The following ATPSCKMT variants were observed in gnomAD, a reference collection of about 807,000 sequenced individuals.
The protein encoded by ATPSCKMT is ATP synthase c subunit lysine N-methyltransferase, also known as ATP synthase subunit C lysine N-methyltransferase.
A neutral mutation model predicts 24.3 loss-of-function variants in ATPSCKMT; 24 were observed. The observed-to-expected ratio is 0.99, with a 90% CI of 0.71 to 1.39. The LOEUF is 1.39. Ranked by LOEUF, ATPSCKMT falls within the 40% of genes most tolerant of loss-of-function variation. ATPSCKMT has a pLI of 0.00. For missense variants in ATPSCKMT, 311 were observed against 298.4 expected (o/e 1.04, Z -0.31); for synonymous variants, 95 against 110.5 (o/e 0.86, Z 0.88).
At chr5:10,246,409 C>G (rs1744930530) in intron 1 of ATPSCKMT, among the ~76,000 whole-genome samples, 1 of 150,752 alleles carries the variant, frequency 6.6e-6, no homozygotes, top group African/African-American at 2.4e-5. Context: ...CACCACTGCA[C>G]TCCAGCCTGG....
intron 3 of ATPSCKMT, 59 bp from the exon 4 acceptor site, chr5:10,235,320 A>G: frequency 6.8e-7 from 1 of 1,471,226 alleles, no homozygotes; most frequent in Non-Finnish European, 9.4e-7. Context: ...CGTGAAGCTT[A>G]ACTTGTTTTA....
intron 4 of ATPSCKMT, among the ~76,000 whole-genome samples, chr5:10,233,006 T>C (rs1187263541): frequency 2.6e-5 from 4 of 152,118 alleles, no homozygotes; most frequent in African/African-American, 9.7e-5. Flanking sequence ...GATACATACT[T>C]GTGTGGAAAT....
In ATPSCKMT at chr5:10,227,472, G is replaced by A. The variant is rs370685274; in HGVS notation, c.671C>T (p.Ser224Leu). The A allele has an allele frequency of 2.9e-5, 47 of 1,614,004 alleles. No individual in the cohort carries two copies. The African/African-American group carries it at 3.3e-4, about 11-fold the overall frequency. Residue 224 changes from serine to leucine, a missense_variant, in exon 5 of 5, where the codon TCG (serine) becomes TTG (leucine). Ser to Leu is a moderately radical substitution (Grantham distance 145, BLOSUM62 -2). Coordinates refer to ENST00000511437, the MANE Select transcript of ATPSCKMT (RefSeq NM_199133.4). Reference sequence around the variant, plus strand: ...TTGAATGGGCAGCTGGAAATGCATCGATGTACAGGGCCTCTTTTCACGGCC... The same window carrying A: ...TTGAATGGGCAGCTGGAAATGCATCAATGTACAGGGCCTCTTTTCACGGCC... ...FRGREKRPCT[S>L]MHFQLPIQA
rs780328976 is a variant in ATPSCKMT, at chr5:10,227,528, T to C, written c.615A>G (p.Thr205=). ...AAGTGCTTGCATCATATGCCCACAC[T>C]GTGTCTATCCCCTCCCCCGTGACGT... ...PDHVTGEGID[T]VWAYDASTFR... is the part of the protein sequence containing the mutation. The change falls in exon 5 of 5, where the codon ACA becomes ACG. Residue 205 remains threonine (T), a synonymous_variant. Transcript: ENST00000511437. 20 of 1,614,102 alleles carry C rather than the reference T, an allele frequency of 1.2e-5. No homozygotes were observed. The highest frequency in any genetic ancestry group is 1.6e-5 in the Non-Finnish European group (19 of 1,180,040).
intron 1 of ATPSCKMT, among the ~76,000 whole-genome samples, chr5:10,246,763 G>T (rs1207911596): frequency 6.6e-6 from 1 of 152,214 alleles, no homozygotes. Context: ...GTAATAAAAA[G>T]TTCCTGTTCT....
rs182441225 is a variant in ATPSCKMT at position 10,238,943 on chromosome 5, A to C, written c.306+124T>G. 2.8e-4 allele frequency: 336 copies of C among 1,216,122 alleles called. 1 individual carries two copies. The African/African-American group carries it at 4.5e-3, about 16-fold the overall frequency. 75.3% of individuals were successfully genotyped at this position (1,216,122 alleles called of 1,614,324 possible). The stretch of plus-strand genomic sequence containing the variant: ...TTGAATAGTTTGGTCAAACAAACAT[A>C]AAATGAAATGAGCACTCTTTCAAGC... On this transcript the variant is annotated intron_variant, in intron 2 of 4. Transcript: ENST00000511437.
At chr5:10,233,629 G>A (rs772135101) in intron 4 of ATPSCKMT, among the ~76,000 whole-genome samples, 2 of 150,416 alleles carry the variant, frequency 1.3e-5, no homozygotes, top group Non-Finnish European at 1.5e-5. Context: ...AGAAGCACCC[G>A]GAGTCGGCTC....
Position 10,227,755 on chromosome 5 carries a change from C to T in ATPSCKMT, c.496-108G>A, listed in dbSNP as rs1743949405. On this transcript the variant is annotated intron_variant, in intron 4 of 4. Coordinates refer to ENST00000511437, the MANE Select transcript of ATPSCKMT (RefSeq NM_199133.4). ...GAAAATACCTGAGCAAAAATTACTA[C>T]TTGTTAAAAAGAGCACTCTGGGACA... 1.2e-5 allele frequency: 12 copies of T among 1,013,590 alleles called. No homozygotes were observed. In the Admixed American group the frequency reaches 1.5e-4, roughly 12 times the overall value. The allele number at this position is 1,013,590 out of a possible 1,614,324, so 62.8% of individuals were successfully genotyped here.
At chr5:10,237,480 G>A (rs1744425919) in intron 2 of ATPSCKMT, among the ~76,000 whole-genome samples, 1 of 152,154 alleles carries the variant, frequency 6.6e-6, no homozygotes, top group African/African-American at 2.4e-5. Context: ...CTGAATAATG[G>A]GGGCAGGTCT....
intron 1 of ATPSCKMT, among the ~76,000 whole-genome samples, chr5:10,240,763 C>A (rs988722962): frequency 1.3e-5 from 2 of 152,008 alleles, no homozygotes; most frequent in African/African-American, 2.4e-5. Context: ...TGGGAGGCCA[C>A]GGCGGGCAGA....
intron 1 of ATPSCKMT, 22 bp downstream of exon 1, chr5:10,249,836 C>G (rs1238997451): frequency 1.3e-6 from 2 of 1,566,448 alleles, no homozygotes; most frequent in Admixed American, 3.8e-5. Flanking sequence ...CCCAGGAACC[C>G]GCCAAGCCGC....
At chr5:10,228,577 AT>A (rs1185422585) in intron 4 of ATPSCKMT, among the ~76,000 whole-genome samples, 6 of 152,248 alleles carry the variant, frequency 3.9e-5, no homozygotes, top group African/African-American at 1.2e-4. Flanking sequence ...CCTAAAAATA[AT>A]TTTTTTCTAC....
At position 10,228,567 on chromosome 5, in the gene ATPSCKMT, C is replaced by T. The variant is rs976153779; in HGVS notation, c.496-920G>A. On this transcript the variant is annotated intron_variant, in intron 4 of 4. Transcript: ENST00000511437. The stretch of plus-strand genomic sequence containing the variant: ...ATTACCACCTTCACCACCTTCACAT[C>T]CTAAAAATAATTTTTTTCTACTTTC... 3.9e-5 allele frequency among the ~76,000 whole-genome samples: 6 copies of T among 152,178 alleles called. No homozygotes were observed. The South Asian group carries it at 1.0e-3, about 26-fold the overall frequency.
chr5:10,249,529 G>A (rs1745188522), intron 1 of ATPSCKMT: 2 of 353,444 alleles, frequency 5.7e-6, no homozygotes, highest in Non-Finnish European at 1.0e-5. Context: ...GCCACAGCTA[G>A]GAAGAGCGGC....
chr5:10,246,453 G>T (rs76293806), intron 1 of ATPSCKMT, among the ~76,000 whole-genome samples: 8 of 57,784 alleles, frequency 1.4e-4, no homozygotes, highest in Non-Finnish European at 4.6e-4. Context: ...TCAAAAAAAA[G>T]AAAGAAAAAA....
chr5:10,242,776 G>C (rs1252290312), intron 1 of ATPSCKMT, among the ~76,000 whole-genome samples: 2 of 152,148 alleles, frequency 1.3e-5, no homozygotes, highest in African/African-American at 4.8e-5. Flanking sequence ...TGATCCTTGG[G>C]CTACAAAATG....
chr5:10,236,664 T>C (rs1240434045), intron 2 of ATPSCKMT, 49 bp from the exon 3 acceptor site: 3 of 1,599,320 alleles, frequency 1.9e-6, no homozygotes, highest in Non-Finnish European at 2.6e-6. Flanking sequence ...AAAATGAACA[T>C]ACATGGTCAA....
At chr5:10,232,263 A>C (rs1386430162) in intron 4 of ATPSCKMT, among the ~76,000 whole-genome samples, 2 of 152,260 alleles carry the variant, frequency 1.3e-5, no homozygotes, top group Non-Finnish European at 2.9e-5. Context: ...CATTCTTTGA[A>C]GTTATGAAAG....
At chr5:10,230,944 C>T (rs2126423966) in intron 4 of ATPSCKMT, among the ~76,000 whole-genome samples, 1 of 152,256 alleles carries the variant, frequency 6.6e-6, no homozygotes, top group East Asian at 1.9e-4. Flanking sequence ...TGTGCGGATG[C>T]CCAACAAACC....
Sources: gnomAD v4.1 joint callset for allele counts (sites outside exome capture counted in the v4.1 genomes callset) on GRCh38, gnomAD v4.1.1 for gene constraint, MANE v1.5 for transcripts, NCBI Gene and HGNC (gene_info 2026-07-23, HGNC 2026-07-21) for gene names.